CSMD1: variants seen among roughly 807,000 people sequenced by gnomAD.
The protein encoded by CSMD1 is CUB and Sushi multiple domains 1.
A neutral mutation model predicts 417.5 loss-of-function variants in CSMD1; 213 were observed. That is an observed-to-expected ratio of 0.51 (90% confidence interval 0.46 to 0.57). CSMD1 has a LOEUF of 0.57. Ranked by LOEUF, CSMD1 falls within the 20% of genes least tolerant of loss-of-function variation. The pLI, the probability that CSMD1 is intolerant of heterozygous loss-of-function variation, is 0.00. For synonymous variants in CSMD1, 2,862 were observed against 1,736.8 expected, an observed-to-expected ratio of 1.65 and a Z score of -16.11; for missense variants, 6,923 against 4,529.7, an observed-to-expected ratio of 1.53 and a Z score of -15.17.
chr8:4,156,928 T>A (rs1321373861), intron 3 of CSMD1, among the ~76,000 whole-genome samples: 1 of 152,058 alleles, frequency 6.6e-6, no homozygotes, highest in African/African-American at 2.4e-5. Context: ...TTTGTGAGGG[T>A]TACGAAACTT....
chr8:4,255,334 C>G (rs1803379022), intron 3 of CSMD1, among the ~76,000 whole-genome samples: 2 of 152,166 alleles, frequency 1.3e-5, no homozygotes, highest in African/African-American at 4.8e-5. Flanking sequence ...CTGTTAATAT[C>G]TGCAGTCATT....
chr8:4,864,045 G>A (rs1220274763), intron 1 of CSMD1, among the ~76,000 whole-genome samples: 1 of 151,794 alleles, frequency 6.6e-6, no homozygotes, highest in Admixed American at 6.6e-5. Flanking sequence ...TTATTTCATG[G>A]ACCACTTTTT....
At chr8:4,811,989 A>C (rs952371317) in intron 1 of CSMD1, among the ~76,000 whole-genome samples, 1 of 152,338 alleles carries the variant, frequency 6.6e-6, no homozygotes, top group East Asian at 1.9e-4. Flanking sequence ...AATAAACGAA[A>C]GACAGAAAGT....
At chr8:4,416,271 G>T (rs895773029) in intron 3 of CSMD1, among the ~76,000 whole-genome samples, 4 of 152,026 alleles carry the variant, frequency 2.6e-5, no homozygotes, top group African/African-American at 7.2e-5. Flanking sequence ...AAAGCTACTG[G>T]ATCATAAAGA....
At chr8:4,809,845 A>G (rs1439695819) in intron 1 of CSMD1, among the ~76,000 whole-genome samples, 3 of 152,162 alleles carry the variant, frequency 2.0e-5, no homozygotes, top group South Asian at 4.1e-4. Flanking sequence ...CATGTCTACA[A>G]CTCAACAGCC....
intron 1 of CSMD1, among the ~76,000 whole-genome samples, chr8:4,807,616 G>T (rs149917911): frequency 6.6e-6 from 1 of 152,136 alleles, no homozygotes; most frequent in African/African-American, 2.4e-5. Context: ...AGTAATGACA[G>T]TAATAATCCT....
chr8:3,566,091 C>T (rs147088658), intron 10 of CSMD1, among the ~76,000 whole-genome samples: 106 of 151,016 alleles, frequency 7.0e-4, no homozygotes, highest in Middle Eastern at 3.4e-3. Flanking sequence ...TTAAAATAAA[C>T]AGAAAGGGAA....
At chr8:4,158,368 G>T (rs776174481) in intron 3 of CSMD1, among the ~76,000 whole-genome samples, 1 of 151,910 alleles carries the variant, frequency 6.6e-6, no homozygotes, top group Non-Finnish European at 1.5e-5. Flanking sequence ...GAAAGAAATA[G>T]TAATATGAAT....
At chr8:4,743,751 C>G (rs1287950275) in intron 1 of CSMD1, among the ~76,000 whole-genome samples, 3 of 152,198 alleles carry the variant, frequency 2.0e-5, no homozygotes, top group African/African-American at 4.8e-5. Flanking sequence ...ATTTTAGGTA[C>G]AGACCTTGAA....
intron 44 of CSMD1, 89 bp downstream of exon 44, chr8:3,108,514 C>T (rs1007324746): frequency 6.6e-6 from 9 of 1,373,482 alleles, no homozygotes; most frequent in Non-Finnish European, 9.0e-6. Context: ...AATCAAGAAA[C>T]TTCAGCTGGA....
intron 5 of CSMD1, among the ~76,000 whole-genome samples, chr8:3,922,889 T>G (rs1430111057): frequency 2.6e-5 from 4 of 152,278 alleles, no homozygotes; most frequent in African/African-American, 9.6e-5. Context: ...AATATTAAAT[T>G]TCAACTCAAC....
rs769717012 is a variant in CSMD1, at chr8:3,387,560, T to G, written c.2716A>C (p.Ser906Arg). ...TCACAGACGAGGGGCTCGTCGTCAC[T>G]TAGTGTGTACCCCGGGTCACAGCTG... Reference protein sequence around the residue: ...TFSCDPGYTLSDDEPLVCERN... With the variant: ...TFSCDPGYTLRDDEPLVCERN... The change falls in exon 18 of 70, where the codon AGT becomes CGT. Residue 906 changes from serine (S) to arginine (R), a missense_variant. Physicochemically the swap from Ser to Arg is moderately radical, Grantham distance 110. Transcript: ENST00000635120. 1.2e-6 allele frequency: 2 copies of G among 1,602,406 alleles called. No individual in the cohort carries two copies. Among genetic ancestry groups the G allele is most frequent in the African/African-American group, 2.7e-5 (2 of 74,678 alleles).
At chr8:3,201,487 A>T in intron 32 of CSMD1, 125 bp downstream of exon 32, 1 of 493,990 alleles carries the variant, frequency 2.0e-6, no homozygotes, top group Non-Finnish European at 3.6e-6. Flanking sequence ...TTCTAAGCAC[A>T]CACGCAAATT....
intron 3 of CSMD1, among the ~76,000 whole-genome samples, chr8:4,036,704 G>A (rs946477759): frequency 5.9e-5 from 9 of 152,182 alleles, no homozygotes; most frequent in African/African-American, 1.7e-4. Context: ...TGTATCTGAC[G>A]TAAAGGATCC....
Position 3,910,632 on chromosome 8 carries a change from T to C in CSMD1, c.818+87271A>G, listed in dbSNP as rs76412312. ...GACAGATGATTTTAATATAAAGCTATTGTGCTTAATAAGAAAACAGACTGA... is the reference window on the plus strand; with the variant it reads ...GACAGATGATTTTAATATAAAGCTACTGTGCTTAATAAGAAAACAGACTGA... On this transcript the variant is annotated intron_variant, in intron 5 of 69. Coordinates refer to ENST00000635120, the MANE Select transcript of CSMD1 (RefSeq NM_033225.6). Among the ~76,000 whole-genome samples, 1,471 of 152,284 alleles carry C rather than the reference T, an allele frequency of 9.7e-3. 26 individuals carry two copies. The highest frequency in any genetic ancestry group is 0.033 in the African/African-American group (1,367 of 41,554).
chr8:3,838,522 G>A (rs910938052), intron 5 of CSMD1, among the ~76,000 whole-genome samples: 2 of 103,150 alleles, frequency 1.9e-5, no homozygotes, highest in South Asian at 2.8e-4. Context: ...ATATAATATA[G>A]CCTATATATA....
rs185602897 is a variant in CSMD1, at chr8:4,419,605, A to G, written c.415+348T>C. ...CACTATCAGTATAATTGTCCAACCA[A>G]AAATTTAATGAAACTCTTCTGCATT... On this transcript the variant is annotated intron_variant, in intron 3 of 69. Coordinates refer to ENST00000635120, the MANE Select transcript of CSMD1 (RefSeq NM_033225.6). Among the ~76,000 whole-genome samples the G allele has an allele frequency of 3.2e-4, 48 of 152,320 alleles. No homozygotes were observed. The East Asian group carries it at 7.9e-3, about 25-fold the overall frequency.
intron 6 of CSMD1, among the ~76,000 whole-genome samples, chr8:3,752,883 A>G (rs902425214): frequency 6.6e-6 from 1 of 152,104 alleles, no homozygotes; most frequent in African/African-American, 2.4e-5. Context: ...ATCCTGAAGG[A>G]AACGATGAAA....
rs563319021 is a variant in CSMD1 at position 4,147,766 on chromosome 8, G to C, written c.416-115667C>G. ...ACAACCCCCGGCAAGCCATGGACTT[G>C]CCATGTGAGATCAGAGCCTGACCCA... On this transcript the variant is annotated intron_variant, in intron 3 of 69. Transcript: ENST00000635120. Among the ~76,000 whole-genome samples, 16 of 152,178 alleles carry C rather than the reference G, an allele frequency of 1.1e-4. 1 individual carries two copies. The East Asian group carries it at 2.9e-3, about 28-fold the overall frequency.
Sources: allele counts gnomAD v4.1 joint callset (sites outside exome capture counted in the v4.1 genomes callset), GRCh38; gene constraint gnomAD v4.1.1; transcripts MANE v1.5; gene names NCBI Gene and HGNC (gene_info 2026-07-23, HGNC 2026-07-21).